Variants in GATA6 observed in about 807,000 individuals in gnomAD.
GATA6 encodes transcription factor GATA-6.
In GATA6, 11 loss-of-function variants were observed where a neutral mutation model predicts 48.1. The ratio of observed to expected loss-of-function variants is 0.23; its 90% CI spans 0.14 to 0.38. The LOEUF (loss-of-function observed/expected upper bound fraction) is 0.38, where lower values mean the gene tolerates loss of function less well. GATA6 is among the 10% of genes least tolerant of loss of function. The probability of loss-of-function intolerance (pLI) is 1.00; values close to 1 mark genes in which losing one functional copy is unlikely to be tolerated. For missense variants in GATA6, 795 were observed against 850.3 expected (o/e 0.93, Z 0.81); for synonymous variants, 419 against 396.1 (o/e 1.06, Z -0.69).
At chr18:22,188,415 A>AT (rs1185497628) in intron 6 of GATA6, among the ~76,000 whole-genome samples, 1 of 152,118 alleles carries the variant, frequency 6.6e-6, no homozygotes, top group Non-Finnish European at 1.5e-5. Context: ...ATTAGTTAGG[A>AT]TTTTTGCAGG....
chr18:22,172,098 G>C lies in GATA6; in HGVS notation c.954G>C (p.Pro318=), dbSNP rs1313279921. 1.4e-6 allele frequency: 2 copies of C among 1,472,532 alleles called. No individual in the cohort carries two copies. Among genetic ancestry groups the C allele is most frequent in the Non-Finnish European group, 1.8e-6 (2 of 1,117,304 alleles). 91.2% of individuals were successfully genotyped at this position (1,472,532 alleles called of 1,614,324 possible). The change falls in exon 2 of 7, where the codon CCG becomes CCC. Residue 318 remains proline (P), a synonymous_variant. Coordinates refer to ENST00000269216, the MANE Select transcript of GATA6 (RefSeq NM_005257.6). This position sits in a 1 kb window ranked among gnomAD's most constrained non-coding sequence, Gnocchi z 5.2. ...PQYSSLSAAR[P]LNGTYHHHHH... The stretch of plus-strand genomic sequence containing the variant: ...ACAGCTCGCTGTCGGCCGCGCGGCC[G>C]CTGAACGGGACGTACCACCACCACC...
intron 6 of GATA6, among the ~76,000 whole-genome samples, chr18:22,194,056 A>G (rs1028826186): frequency 1.1e-4 from 16 of 150,344 alleles, no homozygotes; most frequent in Non-Finnish European, 7.4e-5. Context: ...AAAATGAGTG[A>G]AGGCTCCTCA....
chr18:22,189,194 G>A (rs2143317969), intron 6 of GATA6, among the ~76,000 whole-genome samples: 1 of 152,294 alleles, frequency 6.6e-6, no homozygotes, highest in South Asian at 2.1e-4. Context: ...CTGCGTGGTC[G>A]TTTGAAGGAG....
At chr18:22,178,132 T>C (rs187334972) in intron 3 of GATA6, among the ~76,000 whole-genome samples, 250 of 151,566 alleles carry the variant, frequency 1.6e-3, no homozygotes, top group African/African-American at 4.6e-3. Context: ...CGGCTCATTT[T>C]TTTGTATTTT....
chr18:22,180,677 CTTTTTT>C (rs201442589), intron 3 of GATA6, among the ~76,000 whole-genome samples: 2 of 146,870 alleles, frequency 1.4e-5, no homozygotes, highest in African/African-American at 2.5e-5. Context: ...AAATATATTT[CTTTTTT>C]TTTTTTAAAA....
rs1027770450 is a variant in GATA6 at position 22,200,778 on chromosome 18, G to T, written c.1743G>T (p.Thr581=). The change falls in exon 7 of 7, where the codon ACG becomes ACT. Residue 581 remains threonine (T), a synonymous_variant. Transcript: ENST00000269216. ...GVSLASPAEV[T]SSVRPDSWCA... is the part of the protein sequence containing the mutation. ...GTCTCGCCTCGCCGGCCGAAGTCACGTCCTCCGTGCGACCGGATTCCTGGT... is the reference window on the plus strand; with the variant it reads ...GTCTCGCCTCGCCGGCCGAAGTCACTTCCTCCGTGCGACCGGATTCCTGGT... 6.2e-7 allele frequency: 1 copy of T among 1,613,522 alleles called. No homozygotes were observed. Among genetic ancestry groups the T allele is most frequent in the Admixed American group, 1.7e-5 (1 of 60,024 alleles).
At chr18:22,186,208 G>C (rs2033260306) in intron 6 of GATA6, among the ~76,000 whole-genome samples, 2 of 152,280 alleles carry the variant, frequency 1.3e-5, no homozygotes, top group South Asian at 4.1e-4. Context: ...GTAGAAATTA[G>C]TAGTGCAGGG....
chr18:22,190,597 G>A (rs1458072851), intron 6 of GATA6, among the ~76,000 whole-genome samples: 1 of 152,038 alleles, frequency 6.6e-6, no homozygotes, highest in African/African-American at 2.4e-5. Context: ...GTCTGTGAGA[G>A]AGTTATGTGG....
At chr18:22,191,481 C>G in intron 6 of GATA6, among the ~76,000 whole-genome samples, 1 of 151,416 alleles carries the variant, frequency 6.6e-6, no homozygotes, top group East Asian at 2.0e-4. Flanking sequence ...AAGGTTATTG[C>G]TAAATGAATC....
Position 22,201,139 on chromosome 18 carries a change from A to T in GATA6, c.*316A>T, listed in dbSNP as rs2033458411. On this transcript the variant is annotated 3_prime_UTR_variant, in exon 7 of 7. Coordinates refer to ENST00000269216, the MANE Select transcript of GATA6 (RefSeq NM_005257.6). ...AATATTGAGAGAGATTTTTTAAAAA[A>T]GATTTTGCATTTTGTCCAAAATCAT... The T allele has an allele frequency of 2.7e-6, 1 of 375,670 alleles. No homozygotes were observed. Among genetic ancestry groups the T allele is most frequent in the Non-Finnish European group, 4.9e-6 (1 of 205,190 alleles). 23.3% of individuals were successfully genotyped at this position (375,670 alleles called of 1,614,324 possible). A position where few individuals can be genotyped will look rare whatever the true frequency, so the allele number is the denominator to read the frequency against.
intron 6 of GATA6, among the ~76,000 whole-genome samples, chr18:22,186,327 A>G (rs1226906343): frequency 6.6e-6 from 1 of 152,186 alleles, no homozygotes; most frequent in Non-Finnish European, 1.5e-5. Flanking sequence ...TTAGAGATGT[A>G]AGTAGCAGTA....
intron 6 of GATA6, among the ~76,000 whole-genome samples, chr18:22,192,527 G>C (rs2033339937): frequency 6.6e-6 from 1 of 152,162 alleles, no homozygotes. Context: ...CTGATACTTA[G>C]TACTTTCCTA....
intron 2 of GATA6, among the ~76,000 whole-genome samples, chr18:22,175,984 ATTC>A (rs1005230159): frequency 5.3e-5 from 8 of 152,296 alleles, no homozygotes; most frequent in African/African-American, 1.9e-4. Context: ...AGAGACATTT[ATTC>A]TTCCATATTT....
At position 22,200,919 on chromosome 18, in the gene GATA6, G is replaced by A; in HGVS notation, c.*96G>A. 1 of 1,248,400 alleles carries A rather than the reference G, an allele frequency of 8.0e-7. No individual in the cohort carries two copies. The highest frequency in any genetic ancestry group is 1.1e-6 in the Non-Finnish European group (1 of 894,804). 77.3% of individuals were successfully genotyped at this position (1,248,400 alleles called of 1,614,324 possible). ...CGGTCCAGACAGTGGCGACTGCGCT[G>A]ACAGAACGTGATTCTCGTGCCTTTA... On this transcript the variant is annotated 3_prime_UTR_variant, in exon 7 of 7. Coordinates refer to ENST00000269216, the MANE Select transcript of GATA6 (RefSeq NM_005257.6).
intron 6 of GATA6, among the ~76,000 whole-genome samples, chr18:22,187,447 C>A (rs1004874712): frequency 2.6e-5 from 4 of 151,874 alleles, no homozygotes; most frequent in African/African-American, 9.7e-5. Context: ...ACCATTGCAC[C>A]CCAGCCTGGG....
chr18:22,192,646 TA>T (rs145609110), intron 6 of GATA6, among the ~76,000 whole-genome samples: 2,365 of 152,322 alleles, frequency 0.016, 59 homozygotes, highest in African/African-American at 0.043. Flanking sequence ...AGTTTTGTTA[TA>T]AAAATTAAGA....
chr18:22,179,797 G>A (rs1424172337), intron 3 of GATA6, among the ~76,000 whole-genome samples: 1 of 152,160 alleles, frequency 6.6e-6, no homozygotes, highest in Non-Finnish European at 1.5e-5. Context: ...TTCAACTAAA[G>A]GCAAATTGAT....
intron 2 of GATA6, among the ~76,000 whole-genome samples, chr18:22,174,051 A>G (rs945787156): frequency 2.0e-5 from 3 of 152,104 alleles, no homozygotes; most frequent in Admixed American, 1.3e-4. Context: ...GGGACTTGAG[A>G]GTCAGGGCTC....
chr18:22,176,706 A>C (rs981883569), intron 2 of GATA6: 43 of 458,004 alleles, frequency 9.4e-5, no homozygotes, highest in Non-Finnish European at 1.4e-4. Context: ...TGCTTCCAGC[A>C]CTGTCTCTTT....
Sources: allele counts gnomAD v4.1 joint callset (sites outside exome capture counted in the v4.1 genomes callset), GRCh38; gene constraint gnomAD v4.1.1; non-coding constraint Gnocchi (gnomAD v3.1); transcripts MANE v1.5; gene names NCBI Gene and HGNC (gene_info 2026-07-23, HGNC 2026-07-21).